The following WDR4 variants were observed in gnomAD, a reference collection of about 807,000 sequenced individuals.
WDR4 encodes tRNA (guanine-N(7)-)-methyltransferase non-catalytic subunit WDR4.
Under a neutral mutation model 48.6 loss-of-function variants are expected in WDR4, and 47 were observed. The observed-to-expected ratio is 0.97, with a 90% CI of 0.77 to 1.23. The LOEUF (loss-of-function observed/expected upper bound fraction) is 1.23. Ranked by LOEUF, WDR4 falls within the 50% of genes most tolerant of loss-of-function variation. The pLI is 0.00. For synonymous variants in WDR4, 268 were observed against 230.0 expected, an observed-to-expected ratio of 1.17 and a Z score of -1.49; for missense variants, 606 against 551.6, an observed-to-expected ratio of 1.10 and a Z score of -0.99.
At chr21:42,872,195 GC>G (rs1189845654) in intron 3 of WDR4, among the ~76,000 whole-genome samples, 5 of 152,184 alleles carry the variant, frequency 3.3e-5, no homozygotes, top group African/African-American at 4.8e-5. Context: ...TGTGGGCCAG[GC>G]TAGTCTCGAA....
At chr21:42,847,385 T>C (rs950852839), downstream of WDR4, among the ~76,000 whole-genome samples, 1 of 151,912 alleles carries the variant, frequency 6.6e-6, no homozygotes, top group Non-Finnish European at 1.5e-5. Flanking sequence ...CAGGAACCAG[T>C]CTATCAGTCA....
At chr21:42,868,502 C>T (rs1417261226) in intron 3 of WDR4, among the ~76,000 whole-genome samples, 1 of 152,216 alleles carries the variant, frequency 6.6e-6, no homozygotes, top group Non-Finnish European at 1.5e-5. Flanking sequence ...ACGGCCAGAC[C>T]CAGCCTCCCC....
Position 42,852,321 on chromosome 21 carries a change from C to G in WDR4, c.979G>C (p.Val327Leu). ...TTCTTTAACACGGTGCTCTCAGGAA[C>G]AGACTGCAGGCGACAAACAGGAAAT... ...YRPVGDQWQS[V>L]PESTVLKKVS... is the part of the protein sequence containing the mutation. Residue 327 changes from valine (V) to leucine (L), a missense_variant, in exon 10 of 11, where the codon GTT becomes CTT. Coordinates refer to ENST00000398208, the MANE Select transcript of WDR4 (RefSeq NM_018669.6). 2 of 1,614,094 alleles carry G rather than the reference C, an allele frequency of 1.2e-6. No homozygotes were observed. Among genetic ancestry groups the G allele is most frequent in the South Asian group, 1.1e-5 (1 of 91,054 alleles).
intron 1 of WDR4, among the ~76,000 whole-genome samples, chr21:42,877,135 CTAAT>C (rs1386247988): frequency 3.9e-5 from 5 of 129,432 alleles, no homozygotes; most frequent in Middle Eastern, 4.1e-3. Flanking sequence ...GCGCCTGGCC[CTAAT>C]TTTTTTTTTT....
chr21:42,854,715 C>T (rs563834005), intron 7 of WDR4, 89 bp from the exon 8 acceptor site: 100 of 1,218,130 alleles, frequency 8.2e-5, no homozygotes, highest in South Asian at 4.6e-4. Context: ...GACCGAAGGA[C>T]GCTCACGCCC....
chr21:42,889,054 T>A, the WDR4 span, among the ~76,000 whole-genome samples: 1 of 146,932 alleles, frequency 6.8e-6, no homozygotes, highest in African/African-American at 2.5e-5. Flanking sequence ...TAGGGTTCAA[T>A]CTATATATAT....
At chr21:42,845,259 A>G (rs2057701130), downstream of WDR4, among the ~76,000 whole-genome samples, 1 of 152,272 alleles carries the variant, frequency 6.6e-6, no homozygotes, top group South Asian at 2.1e-4. Context: ...TCTGGAGGAA[A>G]ACCCTAAATG....
At chr21:42,861,739 T>C (rs1213975125) in intron 5 of WDR4, among the ~76,000 whole-genome samples, 1 of 152,236 alleles carries the variant, frequency 6.6e-6, no homozygotes, top group Non-Finnish European at 1.5e-5. Flanking sequence ...TCAAATAATA[T>C]ATTTTAAAAC....
At chr21:42,856,916 T>C (rs1342705255) in intron 6 of WDR4, among the ~76,000 whole-genome samples, 1 of 151,814 alleles carries the variant, frequency 6.6e-6, no homozygotes, top group Non-Finnish European at 1.5e-5. Context: ...TTAATAACCA[T>C]GAACCCACTA....
intron 3 of WDR4, among the ~76,000 whole-genome samples, chr21:42,868,902 G>T (rs942415887): frequency 2.6e-5 from 4 of 152,212 alleles, no homozygotes; most frequent in Admixed American, 1.3e-4. Flanking sequence ...GAAGTTTAAA[G>T]GCAGGAAGAG....
intron 3 of WDR4, among the ~76,000 whole-genome samples, chr21:42,869,629 C>A (rs188312785): frequency 6.0e-4 from 91 of 151,296 alleles, no homozygotes; most frequent in Non-Finnish European, 1.0e-3. Flanking sequence ...AGAGCTCCTA[C>A]AAATAAACAA....
chr21:42,855,836 G>A (rs2057976338), intron 6 of WDR4, 56 bp from the exon 7 acceptor site: 5 of 1,414,320 alleles, frequency 3.5e-6, no homozygotes, highest in Admixed American at 2.3e-5. Context: ...CGTCAGGTAG[G>A]GTGACAGAGA....
intron 1 of WDR4, 67 bp downstream of exon 1, chr21:42,879,340 G>A: frequency 1.3e-6 from 2 of 1,579,512 alleles, no homozygotes; most frequent in Non-Finnish European, 1.7e-6. Flanking sequence ...CGGGAGAAGC[G>A]GGGTCGCCAG....
Position 42,850,022 on chromosome 21 carries a change from G to A in WDR4, c.*27C>T. 3 of 1,605,700 alleles carry A rather than the reference G, an allele frequency of 1.9e-6. No individual in the cohort carries two copies. Among genetic ancestry groups the A allele is most frequent in the Non-Finnish European group, 2.5e-6 (3 of 1,177,944 alleles). On this transcript the variant is annotated 3_prime_UTR_variant, in exon 11 of 11. Coordinates refer to ENST00000398208, the MANE Select transcript of WDR4 (RefSeq NM_018669.6). Reference sequence around the variant, plus strand: ...AGTTAAAAAGCTTTTCCTAATTTGAGGTGAGAGACACCACTGACCGCCACG... The same window carrying A: ...AGTTAAAAAGCTTTTCCTAATTTGAAGTGAGAGACACCACTGACCGCCACG...
chr21:42,843,290 G>A (rs2057682100), intron 11 of WDR4: 1 of 151,900 alleles, frequency 6.6e-6, no homozygotes, highest in African/African-American at 2.4e-5. Context: ...ACCTAGATAT[G>A]ACAGTAATAA....
chr21:42,862,146 G>A lies in WDR4; in HGVS notation c.566+136C>T, dbSNP rs1280380895. On this transcript the variant is annotated intron_variant, in intron 5 of 10. Transcript: ENST00000398208. The surrounding 1 kb of genome is among the most constrained non-coding windows in gnomAD (Gnocchi z 4.3). Reference sequence around the variant, plus strand: ...CAGGCAGCACCACGGCGCCTGCAGTGACCAAACACCAAGCACGGGGGCTGC... The same window carrying A: ...CAGGCAGCACCACGGCGCCTGCAGTAACCAAACACCAAGCACGGGGGCTGC... The A allele has an allele frequency of 2.7e-5, 20 of 740,516 alleles. No individual in the cohort carries two copies. The highest frequency in any genetic ancestry group is 4.4e-6 in the Non-Finnish European group (2 of 455,136). The allele number at this position is 740,516 out of a possible 1,614,324, so 45.9% of individuals were successfully genotyped here. A position where few individuals can be genotyped will look rare whatever the true frequency, so the allele number is the denominator to read the frequency against.
At chr21:42,879,318 G>T in intron 1 of WDR4, 89 bp downstream of exon 1, 2 of 1,550,950 alleles carry the variant, frequency 1.3e-6, no homozygotes, top group South Asian at 2.4e-5. Flanking sequence ...GAGTGGGTGC[G>T]ACCAGGCGGT....
intron 5 of WDR4, 46 bp from the exon 6 acceptor site, chr21:42,859,768 G>A (rs747169760): frequency 1.1e-5 from 17 of 1,547,582 alleles, no homozygotes; most frequent in African/African-American, 2.7e-5. Context: ...CCCAGCGCCC[G>A]CAGGGACCGG....
the WDR4 span, among the ~76,000 whole-genome samples, chr21:42,885,393 C>A: frequency 6.6e-6 from 1 of 151,974 alleles, no homozygotes; most frequent in Non-Finnish European, 1.5e-5. Flanking sequence ...GGCAGACCAC[C>A]TAAGGTCAGG....
Sources: gnomAD v4.1 joint callset for allele counts (sites outside exome capture counted in the v4.1 genomes callset) on GRCh38, gnomAD v4.1.1 for gene constraint, Gnocchi (gnomAD v3.1) non-coding constraint, MANE v1.5 for transcripts, NCBI Gene and HGNC (gene_info 2026-07-23, HGNC 2026-07-21) for gene names.